SALL2: variants seen among roughly 807,000 people sequenced by gnomAD.
SALL2 encodes the protein sal-like protein 2.
Under a neutral mutation model 58.5 loss-of-function variants are expected in SALL2, and 32 were observed. The ratio of observed to expected loss-of-function variants is 0.55; its 90% CI spans 0.41 to 0.74. SALL2 has a LOEUF of 0.74. Among genes scored for constraint, SALL2 ranks in the 30% least tolerant of loss-of-function variants. The pLI, the probability that SALL2 is intolerant of heterozygous loss-of-function variation, is 0.00. For missense variants in SALL2, 1,201 were observed against 1,268.9 expected, an observed-to-expected ratio of 0.95 and a Z score of 0.81; for synonymous variants, 516 against 513.6, an observed-to-expected ratio of 1.00 and a Z score of -0.06.
rs1159016591 is a variant in SALL2, at chr14:21,526,154, T to C, written c.-27A>G. 5 of 1,535,212 alleles carry C rather than the reference T, an allele frequency of 3.3e-6. No homozygotes were observed. The East Asian group carries it at 7.3e-5, about 23-fold the overall frequency. On this transcript the variant is annotated 5_prime_UTR_variant, in exon 1 of 2. Transcript: ENST00000537235. ...GTTGTGGGGGAAGTGGAGGGCCAGGTGGGGTGGGAGACAATGGATATTGGG... is the reference window on the plus strand; with the variant it reads ...GTTGTGGGGGAAGTGGAGGGCCAGGCGGGGTGGGAGACAATGGATATTGGG...
chr14:21,523,200 G>GGTC lies in SALL2; in HGVS notation c.2521_2522insGAC (p.Pro840_Pro841insArg). On this transcript the variant is annotated inframe_insertion, in exon 2 of 2. Coordinates refer to ENST00000537235, the MANE Select transcript of SALL2 (RefSeq NM_001364564.1). The surrounding 1 kb of genome is among the most constrained non-coding windows in gnomAD (Gnocchi z 4.4). ...TGGCTGAGGCTGATCCAGGCTGTCA[G>GGTC]GTGGTGGTGGTGGTGGCAAAGAAGA... is the stretch of plus-strand genomic sequence containing the variant. 2 of 1,613,216 alleles carry GGTC rather than the reference G, an allele frequency of 1.2e-6. No homozygotes were observed. Among genetic ancestry groups the GGTC allele is most frequent in the East Asian group, 4.5e-5 (2 of 44,732 alleles).
In SALL2 at chr14:21,522,626, C is replaced by T; in HGVS notation, c.*78G>A. The T allele has an allele frequency of 2.0e-6, 3 of 1,489,124 alleles. No homozygotes were observed. The highest frequency in any genetic ancestry group is 2.7e-6 in the Non-Finnish European group (3 of 1,121,298). 92.2% of individuals were successfully genotyped at this position (1,489,124 alleles called of 1,614,324 possible). ...CTTAGAGAAAAAGACAAAATCAGGG[C>T]TCATAACTCTGGGAGGTCCTTTTGT... is the stretch of plus-strand genomic sequence containing the variant. On this transcript the variant is annotated 3_prime_UTR_variant, in exon 2 of 2. Transcript: ENST00000537235.
At chr14:21,536,774 A>T (rs2139687831) in intron 1 of SALL2, 1 of 1,243,314 alleles carries the variant, frequency 8.0e-7, no homozygotes, top group African/African-American at 1.5e-5. Flanking sequence ...CCATGGCCCG[A>T]GTGCCCTCCC....
chr14:21,535,988 G>C (rs1447860032), intron 1 of SALL2, among the ~76,000 whole-genome samples: 1 of 152,094 alleles, frequency 6.6e-6, no homozygotes, highest in Non-Finnish European at 1.5e-5. Context: ...CTGAGCATTA[G>C]GAAATTGAAG....
chr14:21,528,373 CTT>C (rs776881268), upstream of SALL2, among the ~76,000 whole-genome samples: 4 of 152,108 alleles, frequency 2.6e-5, no homozygotes, highest in African/African-American at 9.7e-5. Context: ...GGTAGGAAGT[CTT>C]TTATTGCAGT....
chr14:21,536,374 C>G (rs144900055), intron 1 of SALL2, among the ~76,000 whole-genome samples: 129 of 152,316 alleles, frequency 8.5e-4, no homozygotes, highest in Non-Finnish European at 1.6e-3. Flanking sequence ...CTGATCGGCT[C>G]TCAGTTCAGC....
upstream of SALL2, among the ~76,000 whole-genome samples, chr14:21,528,921 T>C (rs1892391269): frequency 6.6e-6 from 1 of 152,196 alleles, no homozygotes. Context: ...CAGTTGCTGT[T>C]TTGTCAAGTC....
upstream of SALL2, among the ~76,000 whole-genome samples, chr14:21,529,593 C>T (rs1428374747): frequency 6.6e-6 from 1 of 151,468 alleles, no homozygotes; most frequent in Non-Finnish European, 1.5e-5. Context: ...GGGAGGATCA[C>T]TTGAGCTCAA....
chr14:21,526,047 C>A lies in SALL2; in HGVS notation c.67+14G>T, dbSNP rs1348456978. The A allele has an allele frequency of 8.5e-6, 13 of 1,534,370 alleles. No individual in the cohort carries two copies. Among genetic ancestry groups the A allele is most frequent in the Non-Finnish European group, 9.6e-6 (11 of 1,145,732 alleles). On this transcript the variant is annotated intron_variant, in intron 1 of 1. Coordinates refer to ENST00000537235, the MANE Select transcript of SALL2 (RefSeq NM_001364564.1). ...CGCCCCCACCCCTGCCCAGCCCGACCGACCCTACCGCACCTCCGAGCTCTG... is the reference window on the plus strand; with the variant it reads ...CGCCCCCACCCCTGCCCAGCCCGACAGACCCTACCGCACCTCCGAGCTCTG...
intron 1 of SALL2, among the ~76,000 whole-genome samples, chr14:21,532,847 CA>C (rs1410200467): frequency 6.6e-6 from 1 of 151,980 alleles, no homozygotes; most frequent in Non-Finnish European, 1.5e-5. Context: ...CCTGTAGTCC[CA>C]GCTACTTGGG....
chr14:21,526,246 T>C lies in SALL2; in HGVS notation c.-119A>G. 5 of 1,433,958 alleles carry C rather than the reference T, an allele frequency of 3.5e-6. No individual in the cohort carries two copies. Among genetic ancestry groups the C allele is most frequent in the African/African-American group, 1.5e-5 (1 of 68,116 alleles). 88.8% of individuals were successfully genotyped at this position (1,433,958 alleles called of 1,614,324 possible). On this transcript the variant is annotated 5_prime_UTR_variant, in exon 1 of 2. Transcript: ENST00000537235. Reference sequence around the variant, plus strand: ...CACCCAGCGGCCCAGACTGCGGAGATGGAGATCGGCAGCGGCGGGGGCAGG... The same window carrying C: ...CACCCAGCGGCCCAGACTGCGGAGACGGAGATCGGCAGCGGCGGGGGCAGG...
chr14:21,531,840 C>T lies in SALL2; in HGVS notation c.-114+5122G>A, dbSNP rs181621667. ...CGCCTCCTGGGTTCAAACGATTTTC[C>T]TGCCTCAGCCTCCCAAGTAGCTGGG... On this transcript the variant is annotated intron_variant, in intron 1 of 1. Coordinates refer to the SALL2 transcript ENST00000541965. Among the ~76,000 whole-genome samples the T allele has an allele frequency of 3.8e-3, 571 of 152,096 alleles. 4 individuals are homozygous for T. The highest frequency in any genetic ancestry group is 0.013 in the African/African-American group (539 of 41,468).
intron 1 of SALL2, among the ~76,000 whole-genome samples, chr14:21,532,150 A>C (rs1892481582): frequency 6.6e-6 from 1 of 152,234 alleles, no homozygotes; most frequent in Non-Finnish European, 1.5e-5. Context: ...TTAATTGAGA[A>C]AAAAAGAGAA....
chr14:21,524,440 C>T lies in SALL2; in HGVS notation c.1282G>A (p.Val428Met). ...FHRHREKYPHVQMNPHPVPEH... is the reference protein window; with the variant it reads ...FHRHREKYPHMQMNPHPVPEH... Reference sequence around the variant, plus strand: ...GGTACTGGGTGTGGGTTCATCTGCACATGTGGGTACTTCTCACGATGCCGG... The same window carrying T: ...GGTACTGGGTGTGGGTTCATCTGCATATGTGGGTACTTCTCACGATGCCGG... Residue 428 changes from valine to methionine, a missense_variant, in exon 2 of 2, where the codon GTG becomes ATG. Val to Met is a conservative substitution (Grantham distance 21). Transcript: ENST00000537235. 6.2e-7 allele frequency: 1 copy of T among 1,614,244 alleles called. No individual in the cohort carries two copies. The highest frequency in any genetic ancestry group is 8.5e-7 in the Non-Finnish European group (1 of 1,180,048).
At chr14:21,533,806 G>T (rs898707369) in intron 1 of SALL2, among the ~76,000 whole-genome samples, 1 of 152,080 alleles carries the variant, frequency 6.6e-6, no homozygotes, top group African/African-American at 2.4e-5. Context: ...CAAAGGCTCA[G>T]CATTTGCATG....
chr14:21,522,179 G>T lies in SALL2; in HGVS notation c.*525C>A. 1 of 1,597,878 alleles carries T rather than the reference G, an allele frequency of 6.3e-7. No individual in the cohort carries two copies. On this transcript the variant is annotated 3_prime_UTR_variant, in exon 2 of 2. Transcript: ENST00000537235. ...GTGGGGCCAGGCTTGGAGTGGTAGT[G>T]GAGGTGGAGCTGGAATTCCAGGGCT...
Position 21,526,302 on chromosome 14 carries a change from A to G in SALL2, c.-175T>C. ...GCGGCGGAGGGGGAGGGGAGCGAGGAGGCGGGGAGAAGCTGGAGTGAGAAA... is the reference window on the plus strand; with the variant it reads ...GCGGCGGAGGGGGAGGGGAGCGAGGGGGCGGGGAGAAGCTGGAGTGAGAAA... On this transcript the variant is annotated 5_prime_UTR_variant, in exon 1 of 2. Coordinates refer to ENST00000537235, the MANE Select transcript of SALL2 (RefSeq NM_001364564.1). 4 of 1,403,242 alleles carry G rather than the reference A, an allele frequency of 2.9e-6. No homozygotes were observed. Among genetic ancestry groups the G allele is most frequent in the Non-Finnish European group, 3.7e-6 (4 of 1,080,792 alleles). The allele number at this position is 1,403,242 out of a possible 1,614,324, so 86.9% of individuals were successfully genotyped here.
Position 21,523,218 on chromosome 14 carries a change from AAAG to A in SALL2, c.2501_2503del (p.Ser834del). 6.2e-7 allele frequency: 1 copy of A among 1,613,990 alleles called. No individual in the cohort carries two copies. The highest frequency in any genetic ancestry group is 8.5e-7 in the Non-Finnish European group (1 of 1,180,016). ...GCTGTCAGGTGGTGGTGGTGGTGGC[AAAG>A]AAGACTGTTGAGTAGTTTTCTCATT... On this transcript the variant is annotated inframe_deletion, in exon 2 of 2. Coordinates refer to ENST00000537235, the MANE Select transcript of SALL2 (RefSeq NM_001364564.1). This position sits in a 1 kb window ranked among gnomAD's most constrained non-coding sequence, Gnocchi z 4.4.
rs1892279488 is a variant in SALL2 at position 21,525,818 on chromosome 14, A to G, written c.68-164T>C. On this transcript the variant is annotated intron_variant, in intron 1 of 1. Coordinates refer to ENST00000537235, the MANE Select transcript of SALL2 (RefSeq NM_001364564.1). The surrounding 1 kb of genome is among the most constrained non-coding windows in gnomAD (Gnocchi z 4.4). ...GAGCTCAGGCCTGATCCGTGTGGACAGGAGACAACCCGGCATGGGGCAGGG... is the reference window on the plus strand; with the variant it reads ...GAGCTCAGGCCTGATCCGTGTGGACGGGAGACAACCCGGCATGGGGCAGGG... Among the ~76,000 whole-genome samples, 1 of 118,510 alleles carries G rather than the reference A, an allele frequency of 8.4e-6. No homozygotes were observed. Among genetic ancestry groups the G allele is most frequent in the Non-Finnish European group, 1.6e-5 (1 of 61,294 alleles). 77.7% of individuals were successfully genotyped at this position (118,510 alleles called of 152,430 possible). A position where few individuals can be genotyped will look rare whatever the true frequency, so the allele number is the denominator to read the frequency against.
Sources: allele counts gnomAD v4.1 joint callset (sites outside exome capture counted in the v4.1 genomes callset), GRCh38; gene constraint gnomAD v4.1.1; non-coding constraint Gnocchi (gnomAD v3.1); transcripts MANE v1.5; gene names NCBI Gene and HGNC (gene_info 2026-07-23, HGNC 2026-07-21).